EXOC3: variants seen among roughly 807,000 people sequenced by gnomAD.
The protein encoded by EXOC3 is SEC6-like 1.
In EXOC3, 21 loss-of-function variants were observed where a neutral mutation model predicts 73.7. The ratio of observed to expected loss-of-function variants is 0.29; its 90% CI spans 0.20 to 0.41. EXOC3 has a LOEUF of 0.41. Among genes scored for constraint, EXOC3 ranks in the 10% least tolerant of loss-of-function variants. EXOC3 has a pLI of 1.00. For synonymous variants in EXOC3, 410 were observed against 389.1 expected, an observed-to-expected ratio of 1.05 and a Z score of -0.63; for missense variants, 842 against 985.1, an observed-to-expected ratio of 0.85 and a Z score of 1.95.
intron 7 of EXOC3, 66 bp from the exon 8 acceptor site, chr5:461,894 G>C (rs1183269972): frequency 2.7e-6 from 3 of 1,117,786 alleles, no homozygotes; most frequent in Non-Finnish European, 4.0e-6. Context: ...CGTGACGTCA[G>C]CGTGGCATTT....
At chr5:459,097 G>A (rs1737906209) in intron 6 of EXOC3, among the ~76,000 whole-genome samples, 2 of 152,130 alleles carry the variant, frequency 1.3e-5, no homozygotes, top group Admixed American at 6.5e-5. Flanking sequence ...GTAGTGTGAG[G>A]ACAGACATGG....
At chr5:458,435 A>G (rs539283830) in intron 6 of EXOC3, among the ~76,000 whole-genome samples, 1 of 152,240 alleles carries the variant, frequency 6.6e-6, no homozygotes, top group South Asian at 2.1e-4. Context: ...ACGGAGTCTC[A>G]CTCTGTTGCC....
intron 4 of EXOC3, among the ~76,000 whole-genome samples, chr5:455,895 T>C (rs187962566): frequency 6.6e-6 from 1 of 152,260 alleles, no homozygotes; most frequent in Non-Finnish European, 1.5e-5. Flanking sequence ...TGAGCCACCA[T>C]GCCCGGCTGA....
chr5:447,255 G>C (rs1172919171), intron 2 of EXOC3: 2 of 371,844 alleles, frequency 5.4e-6, no homozygotes, highest in Admixed American at 9.3e-5. Context: ...GTAGTGTCCA[G>C]GATCACCAGG....
At chr5:463,998 C>G (rs1485531092) in intron 9 of EXOC3, among the ~76,000 whole-genome samples, 1 of 152,238 alleles carries the variant, frequency 6.6e-6, no homozygotes, top group Non-Finnish European at 1.5e-5. Context: ...AAATTTTTAC[C>G]TGAGTGCGCA....
intron 1 of EXOC3, among the ~76,000 whole-genome samples, chr5:443,674 A>T (rs1197853581): frequency 7.0e-6 from 1 of 143,382 alleles, no homozygotes; most frequent in African/African-American, 2.6e-5. Context: ...ATGTCCCTCC[A>T]GGCACAAGTG....
chr5:444,094 C>T (rs1337126966), intron 1 of EXOC3, among the ~76,000 whole-genome samples: 1 of 152,198 alleles, frequency 6.6e-6, no homozygotes, highest in East Asian at 1.9e-4. Flanking sequence ...CAGGTGTCTC[C>T]GTGGGTGCTG....
At chr5:459,961 G>A (rs1737935892) in intron 7 of EXOC3, among the ~76,000 whole-genome samples, 1 of 152,218 alleles carries the variant, frequency 6.6e-6, no homozygotes, top group Non-Finnish European at 1.5e-5. Flanking sequence ...CCATCGTGCA[G>A]TCCAGAAGCC....
intron 3 of EXOC3, among the ~76,000 whole-genome samples, chr5:452,290 C>G (rs1434799472): frequency 6.6e-6 from 1 of 152,152 alleles, no homozygotes; most frequent in Non-Finnish European, 1.5e-5. Flanking sequence ...CTGATTCTTT[C>G]TTGCGCCTGT....
At chr5:464,115 C>G (rs1579745649) in intron 9 of EXOC3, among the ~76,000 whole-genome samples, 175 bp from the exon 10 acceptor site, 3 of 151,948 alleles carry the variant, frequency 2.0e-5, no homozygotes, top group African/African-American at 7.3e-5. Flanking sequence ...GGAAGTGCCT[C>G]CCTCCCACGC....
At chr5:466,489 G>A (rs765463342) in intron 12 of EXOC3, 46 of 524,362 alleles carry the variant, frequency 8.8e-5, no homozygotes, top group African/African-American at 1.5e-4. Context: ...TGGTTGGGCC[G>A]GAACAAAGAT....
intron 4 of EXOC3, among the ~76,000 whole-genome samples, chr5:456,650 C>T (rs552172041): frequency 2.6e-5 from 4 of 152,272 alleles, no homozygotes; most frequent in Non-Finnish European, 4.4e-5. Context: ...GGCCCCTGCC[C>T]TGCACTTTCC....
chr5:448,716 C>G (rs570259179), intron 3 of EXOC3, among the ~76,000 whole-genome samples: 1 of 152,220 alleles, frequency 6.6e-6, no homozygotes, highest in Non-Finnish European at 1.5e-5. Flanking sequence ...CCACAGCGCA[C>G]CTTGGTAATC....
At chr5:444,382 C>T (rs1481030540) in intron 1 of EXOC3, among the ~76,000 whole-genome samples, 1 of 152,244 alleles carries the variant, frequency 6.6e-6, no homozygotes, top group Non-Finnish European at 1.5e-5. Flanking sequence ...GCTCTCCACT[C>T]ACATTGCCTT....
chr5:456,444 C>T (rs1305449729), intron 4 of EXOC3, among the ~76,000 whole-genome samples: 4 of 151,904 alleles, frequency 2.6e-5, no homozygotes, highest in Admixed American at 6.6e-5. Flanking sequence ...GTTTATTCAG[C>T]GCCTCCTGTT....
intron 5 of EXOC3, chr5:457,250 C>T (rs1737845594): frequency 1.9e-6 from 1 of 516,928 alleles, no homozygotes; most frequent in South Asian, 2.1e-5. Flanking sequence ...CTGTGCCCTA[C>T]TCGGCAGGCT....
chr5:465,337 C>A, intron 11 of EXOC3, 65 bp downstream of exon 11: 1 of 1,517,144 alleles, frequency 6.6e-7, no homozygotes, highest in East Asian at 2.4e-5. Context: ...CAGCCTCCAC[C>A]CCGGGACTCG....
At chr5:452,066 A>G (rs1284226446) in intron 3 of EXOC3, among the ~76,000 whole-genome samples, 1 of 152,148 alleles carries the variant, frequency 6.6e-6, no homozygotes. Context: ...CTTCATATTC[A>G]TGTCTTTCAT....
At chr5:466,060 A>T in intron 12 of EXOC3, 2 of 330,720 alleles carry the variant, frequency 6.0e-6, no homozygotes, top group Non-Finnish European at 5.6e-6. Context: ...GGGTGGGTGG[A>T]GCTCGAGGGG....
Sources: allele counts gnomAD v4.1 joint callset (sites outside exome capture counted in the v4.1 genomes callset), GRCh38; gene constraint gnomAD v4.1.1; transcripts MANE v1.5; gene names NCBI Gene and HGNC (gene_info 2026-07-23, HGNC 2026-07-21).